Variants in MXD3 observed in about 807,000 individuals in gnomAD.
MXD3 encodes Max-associated protein 3.
A neutral mutation model predicts 27.5 loss-of-function variants in MXD3; 20 were observed. The ratio of observed to expected loss-of-function variants is 0.73; its 90% CI spans 0.51 to 1.06. The LOEUF (loss-of-function observed/expected upper bound fraction) is 1.06, where lower values mean the gene tolerates loss of function less well. Among genes scored for constraint, MXD3 ranks in the 50% least tolerant of loss-of-function variants. The pLI, the probability that MXD3 is intolerant of heterozygous loss-of-function variation, is 0.00. For missense variants in MXD3, 298 were observed against 291.3 expected (o/e 1.02, Z -0.17); for synonymous variants, 150 against 130.7 (o/e 1.15, Z -1.01).
At chr5:177,306,939 T>C, downstream of MXD3, 1 of 897,508 alleles carries the variant, frequency 1.1e-6, no homozygotes, top group South Asian at 1.9e-5. Flanking sequence ...AATAAATACT[T>C]GTTGAATTCA....
At position 177,311,770 on chromosome 5, in the gene MXD3, G is replaced by C; in HGVS notation, c.61C>G (p.Arg21Gly). Residue 21 changes from arginine (R) to glycine (G), a missense_variant, in exon 1 of 6, where the codon CGT (arginine) becomes GGT (glycine). Transcript: ENST00000439742. ...LLQAAEFLER[R>G]EREAEHGYAS... ...AAGGGTCCTTCCTCACCTCTCTCAC[G>C]GCGCTCCAGGAACTCGGCCGCCTGC... is the stretch of plus-strand genomic sequence containing the variant. The C allele has an allele frequency of 6.2e-7, 1 of 1,613,098 alleles. No individual in the cohort carries two copies. Among genetic ancestry groups the C allele is most frequent in the Non-Finnish European group, 8.5e-7 (1 of 1,179,574 alleles).
At chr5:177,311,057 G>A in intron 2 of MXD3, 1 of 548,496 alleles carries the variant, frequency 1.8e-6, no homozygotes, top group Non-Finnish European at 3.2e-6. Context: ...TATGCAAAGG[G>A]CTGGGGAGAG....
At chr5:177,306,813 C>T, downstream of MXD3, 2 of 762,826 alleles carry the variant, frequency 2.6e-6, no homozygotes, top group East Asian at 2.7e-5. Flanking sequence ...TTGCCCGGGG[C>T]TCCAGGTAGC....
At position 177,307,530 on chromosome 5, in the gene MXD3, G is replaced by A. The variant is rs752254679; in HGVS notation, c.*58C>T. On this transcript the variant is annotated 3_prime_UTR_variant, in exon 6 of 6. Coordinates refer to ENST00000439742, the MANE Select transcript of MXD3 (RefSeq NM_031300.4). ...CCCTGAAGGCTTGGGGAGGGCTCCTGCCTGGCAAGTGGGCCTGGCACGAGT... is the reference window on the plus strand; with the variant it reads ...CCCTGAAGGCTTGGGGAGGGCTCCTACCTGGCAAGTGGGCCTGGCACGAGT... 6.3e-7 allele frequency: 1 copy of A among 1,588,100 alleles called. No homozygotes were observed. Among genetic ancestry groups the A allele is most frequent in the Non-Finnish European group, 8.6e-7 (1 of 1,169,412 alleles).
At chr5:177,305,757 G>C, downstream of MXD3, 2 of 851,496 alleles carry the variant, frequency 2.3e-6, no homozygotes, top group Non-Finnish European at 3.8e-6. Context: ...GTCAGGGGAA[G>C]GAATGGATTT....
downstream of MXD3, chr5:177,306,281 T>C: frequency 6.4e-7 from 1 of 1,559,166 alleles, no homozygotes; most frequent in Admixed American, 1.7e-5. Flanking sequence ...TGGGACTCCT[T>C]GTCTGTACTG....
At position 177,307,635 on chromosome 5, in the gene MXD3, C is replaced by A. The variant is rs370138646; in HGVS notation, c.574G>T (p.Ala192Ser). ...TGCGAGTAGCTGTGCTCCTGGCCGG[C>A]GACGAAGCCCCGCAGCAGCTCGGCC... ...GEAELLRGFVAGQEHSYSHGG... is the reference protein window; with the variant it reads ...GEAELLRGFVSGQEHSYSHGG... Residue 192 changes from alanine to serine, a missense_variant, in exon 6 of 6, where the codon GCC becomes TCC. Coordinates refer to ENST00000439742, the MANE Select transcript of MXD3 (RefSeq NM_031300.4). 6.2e-7 allele frequency: 1 copy of A among 1,613,166 alleles called. No individual in the cohort carries two copies. Among genetic ancestry groups the A allele is most frequent in the African/African-American group, 1.3e-5 (1 of 74,920 alleles).
downstream of MXD3, chr5:177,305,861 C>T: frequency 6.2e-7 from 1 of 1,611,940 alleles, no homozygotes; most frequent in Non-Finnish European, 8.5e-7. Flanking sequence ...TGTGGTTGGC[C>T]TCTGCATAGG....
intron 4 of MXD3, among the ~76,000 whole-genome samples, chr5:177,308,352 A>G (rs1447996180): frequency 6.6e-5 from 10 of 150,520 alleles, no homozygotes; most frequent in African/African-American, 2.4e-4. Context: ...CGGTGTTACC[A>G]GGTCTCCCCG....
chr5:177,308,438 T>G (rs1235693759), intron 4 of MXD3, among the ~76,000 whole-genome samples: 5 of 151,828 alleles, frequency 3.3e-5, no homozygotes. Context: ...AGTGGCACAA[T>G]CTCGGCTCAC....
chr5:177,309,522 A>G (rs116457406), intron 4 of MXD3, among the ~76,000 whole-genome samples: 89 of 152,338 alleles, frequency 5.8e-4, no homozygotes, highest in African/African-American at 2.1e-3. Flanking sequence ...CTCAGCCACA[A>G]TGATGGTAAT....
chr5:177,312,364 C>T (rs920721833), upstream of MXD3: 31 of 985,710 alleles, frequency 3.1e-5, no homozygotes, highest in Non-Finnish European at 3.7e-5. Flanking sequence ...ATCCTCGGGG[C>T]GGGGTCGGGG....
intron 2 of MXD3, 99 bp downstream of exon 2, chr5:177,311,280 C>T: frequency 1.3e-6 from 1 of 759,890 alleles, no homozygotes; most frequent in East Asian, 3.3e-5. Flanking sequence ...GAGCGGGACA[C>T]CTGGCCCAAA....
In MXD3 at chr5:177,307,435, G is replaced by C; in HGVS notation, c.*153C>G. On this transcript the variant is annotated 3_prime_UTR_variant, in exon 6 of 6. Coordinates refer to ENST00000439742, the MANE Select transcript of MXD3 (RefSeq NM_031300.4). ...AGGGCCTGCCTGGCAGCCAGCAGCAGGGTGTTTGGGGAGCACCTGTTCCCA... is the reference window on the plus strand; with the variant it reads ...AGGGCCTGCCTGGCAGCCAGCAGCACGGTGTTTGGGGAGCACCTGTTCCCA... 6.6e-7 allele frequency: 1 copy of C among 1,511,022 alleles called. No homozygotes were observed. Among genetic ancestry groups the C allele is most frequent in the Non-Finnish European group, 8.9e-7 (1 of 1,120,410 alleles). 93.6% of individuals were successfully genotyped at this position (1,511,022 alleles called of 1,614,324 possible).
rs1760924473 is a variant in MXD3, at chr5:177,307,791, GTC to G, written c.493_494del (p.Asp165LeufsTer18). Reference sequence around the variant, plus strand: ...CCTCGGGGCACTCACCTTGGTCTGAGTCTGAGCGCTCAGAGGAGAGGCCTGAG... The same window carrying G: ...CCTCGGGGCACTCACCTTGGTCTGAGTGAGCGCTCAGAGGAGAGGCCTGAG... ...DSSGLSSERS[D>X]SDQEELEVDV... is the part of the protein sequence containing the mutation. On this transcript the variant is annotated frameshift_variant, in exon 5 of 6. Coordinates refer to ENST00000439742, the MANE Select transcript of MXD3 (RefSeq NM_031300.4). LOFTEE classifies it high-confidence loss of function. 2.5e-6 allele frequency: 4 copies of G among 1,613,198 alleles called. No individual in the cohort carries two copies. The highest frequency in any genetic ancestry group is 3.4e-6 in the Non-Finnish European group (4 of 1,179,806).
At chr5:177,305,668 A>G (rs769400510), downstream of MXD3, 1 of 582,658 alleles carries the variant, frequency 1.7e-6, no homozygotes, top group Non-Finnish European at 3.1e-6. Flanking sequence ...TTCTAGTTTA[A>G]GAGTCAGAAG....
chr5:177,311,324 G>T, intron 2 of MXD3, 55 bp downstream of exon 2: 1 of 1,245,160 alleles, frequency 8.0e-7, no homozygotes, highest in South Asian at 1.7e-5. Flanking sequence ...AGGAGGGCCC[G>T]ACCAGGGGCG....
In MXD3 at chr5:177,307,867, A is replaced by T; in HGVS notation, c.419T>A (p.Leu140Gln). 1 of 1,608,746 alleles carries T rather than the reference A, an allele frequency of 6.2e-7. No homozygotes were observed. Residue 140 changes from leucine (L) to glutamine (Q), a missense_variant, in exon 5 of 6, where the codon CTG becomes CAG. By Grantham distance (113) the Leu-to-Gln change is moderately radical. Transcript: ENST00000439742. ...LQRQLEQLRG[L>Q]AGAAERERLR... Reference sequence around the variant, plus strand: ...CCGCTCCCGCTCGGCCGCCCCTGCCAGCCCCCGGAGCTGCTCCAGCTGCCG... The same window carrying T: ...CCGCTCCCGCTCGGCCGCCCCTGCCTGCCCCCGGAGCTGCTCCAGCTGCCG...
Position 177,307,318 on chromosome 5 carries a change from G to T in MXD3, c.*270C>A. 2 of 1,544,864 alleles carry T rather than the reference G, an allele frequency of 1.3e-6. No individual in the cohort carries two copies. Among genetic ancestry groups the T allele is most frequent in the Non-Finnish European group, 1.8e-6 (2 of 1,142,172 alleles). On this transcript the variant is annotated 3_prime_UTR_variant, in exon 6 of 6. Transcript: ENST00000439742. ...CAAGAGGCTTCCTGTCCCCTTGGGG[G>T]CAGCAGAGCCAAATGCTTGGGCTCG... is the stretch of plus-strand genomic sequence containing the variant.
Sources: allele counts gnomAD v4.1 joint callset (sites outside exome capture counted in the v4.1 genomes callset), GRCh38; gene constraint gnomAD v4.1.1; transcripts MANE v1.5; gene names NCBI Gene and HGNC (gene_info 2026-07-23, HGNC 2026-07-21).